PLAAT1: variants seen among roughly 807,000 people sequenced by gnomAD.
PLAAT1 encodes the protein H-REV107 protein-related protein.
Under a neutral mutation model 16.4 loss-of-function variants are expected in PLAAT1, and 13 were observed. The observed-to-expected ratio is 0.79, with a 90% CI of 0.52 to 1.26. The LOEUF is 1.26. Ranked by LOEUF, PLAAT1 falls within the 50% of genes most tolerant of loss-of-function variation. The pLI, the probability that PLAAT1 is intolerant of heterozygous loss-of-function variation, is 0.00. For synonymous variants in PLAAT1, 73 were observed against 78.4 expected (o/e 0.93, Z 0.36); for missense variants, 218 against 207.8 (o/e 1.05, Z -0.30).
Position 193,269,939 on chromosome 3 carries a change from A to G in PLAAT1, c.406-665A>G, listed in dbSNP as rs113919171. 6.8e-3 allele frequency among the ~76,000 whole-genome samples: 1,034 copies of G among 152,270 alleles called. 15 individuals are homozygous for G. The highest frequency in any genetic ancestry group is 0.024 in the African/African-American group (990 of 41,556). Reference sequence around the variant, plus strand: ...ACATGAGAAATTAATTTTTGACATGATAGTTAACATCAGTATTGGCTTTTT... The same window carrying G: ...ACATGAGAAATTAATTTTTGACATGGTAGTTAACATCAGTATTGGCTTTTT... On this transcript the variant is annotated intron_variant, in intron 3 of 3. Transcript: ENST00000264735.
intron 2 of PLAAT1, among the ~76,000 whole-genome samples, chr3:193,275,886 T>G (rs1410010863): frequency 2.0e-5 from 3 of 152,204 alleles, no homozygotes; most frequent in Non-Finnish European, 4.4e-5. Context: ...AATTTTTATT[T>G]TATTATGGGA....
chr3:193,264,727 C>T (rs1172250019), intron 3 of PLAAT1, among the ~76,000 whole-genome samples: 1 of 152,140 alleles, frequency 6.6e-6, no homozygotes, highest in African/African-American at 2.4e-5. Flanking sequence ...GTTGGCCAGG[C>T]TGGTCTCAAA....
chr3:193,269,416 G>A (rs1016014796), intron 3 of PLAAT1, among the ~76,000 whole-genome samples: 17 of 152,168 alleles, frequency 1.1e-4, no homozygotes, highest in African/African-American at 4.1e-4. Flanking sequence ...AACACATGCT[G>A]CAAACACATG....
chr3:193,270,760 C>T lies in PLAAT1; in HGVS notation c.*55C>T. On this transcript the variant is annotated 3_prime_UTR_variant, in exon 4 of 4. Transcript: ENST00000264735. ...GGAATTTGGGAGGAGGAAAAGAAAC[C>T]TGGGGTGAATACTTATTTTCAGTGC... The T allele has an allele frequency of 6.3e-7, 1 of 1,586,938 alleles. No individual in the cohort carries two copies. The highest frequency in any genetic ancestry group is 2.3e-5 in the East Asian group (1 of 44,388).
downstream of PLAAT1, among the ~76,000 whole-genome samples, chr3:193,278,760 A>C (rs1717343151): frequency 6.6e-6 from 1 of 152,134 alleles, no homozygotes; most frequent in Non-Finnish European, 1.5e-5. Context: ...TCAAGTATGG[A>C]TAGCCTCAGG....
intron 3 of PLAAT1, among the ~76,000 whole-genome samples, chr3:193,269,758 G>A (rs1716920787): frequency 6.6e-6 from 1 of 152,116 alleles, no homozygotes. Context: ...TCATCAAATT[G>A]CACTCAAACC....
In PLAAT1 at chr3:193,241,506, GAGA is replaced by G; in HGVS notation, c.-21_-19del. ...GACACACACAGCTGCCTCCCGGTGC[GAGA>G]AGAAGACCCCGGCTTGAGAGTGAGG... On this transcript the variant is annotated 5_prime_UTR_variant, in exon 1 of 4. Transcript: ENST00000264735. 1.6e-5 allele frequency: 20 copies of G among 1,231,930 alleles called. No individual in the cohort carries two copies. In the South Asian group the frequency reaches 1.6e-4, roughly 10 times the overall value. The allele number at this position is 1,231,930 out of a possible 1,614,324, so 76.3% of individuals were successfully genotyped here.
At chr3:193,273,604 TTAAC>T (rs1255102711), downstream of PLAAT1, among the ~76,000 whole-genome samples, 1 of 152,218 alleles carries the variant, frequency 6.6e-6, no homozygotes, top group Non-Finnish European at 1.5e-5. Context: ...ATGAAACTGG[TTAAC>T]TAATTGCCTA....
intron 2 of PLAAT1, among the ~76,000 whole-genome samples, chr3:193,258,715 G>A (rs955709266): frequency 6.6e-6 from 1 of 151,866 alleles, no homozygotes; most frequent in Non-Finnish European, 1.5e-5. Flanking sequence ...GAAAACCTGA[G>A]AAGACCAATA....
At chr3:193,255,847 A>G in intron 2 of PLAAT1, 58 bp downstream of exon 2, 2 of 1,398,890 alleles carry the variant, frequency 1.4e-6, no homozygotes, top group Non-Finnish European at 1.9e-6. Flanking sequence ...TGTTACAGGA[A>G]GTAATCATGG....
intron 1 of PLAAT1, among the ~76,000 whole-genome samples, chr3:193,246,309 A>C (rs1056210105): frequency 6.6e-6 from 1 of 152,130 alleles, no homozygotes; most frequent in East Asian, 1.9e-4. Context: ...CTACTGAGAT[A>C]CTTGTGTGCT....
intron 2 of PLAAT1, among the ~76,000 whole-genome samples, chr3:193,260,276 T>G (rs1716537268): frequency 2.0e-5 from 3 of 152,114 alleles, no homozygotes; most frequent in Non-Finnish European, 4.4e-5. Flanking sequence ...TAGGAAACAC[T>G]CTTCTTGACC....
downstream of PLAAT1, chr3:193,274,821 GGAT>G: frequency 3.3e-6 from 2 of 609,562 alleles, no homozygotes; most frequent in Non-Finnish European, 5.7e-6. Flanking sequence ...TTATTGAAAA[GGAT>G]GATACAGGAA....
intron 3 of PLAAT1, among the ~76,000 whole-genome samples, chr3:193,270,286 A>G (rs1716941219): frequency 6.6e-6 from 1 of 152,218 alleles, no homozygotes; most frequent in African/African-American, 2.4e-5. Flanking sequence ...CAAGAGTGGT[A>G]TATTAACCTC....
chr3:193,245,661 A>G (rs535799207), intron 1 of PLAAT1, among the ~76,000 whole-genome samples: 31 of 152,298 alleles, frequency 2.0e-4, no homozygotes, highest in African/African-American at 6.7e-4. Flanking sequence ...CACCAACGAT[A>G]TACAAGGGTT....
rs928367192 is a variant in PLAAT1, at chr3:193,241,399, G to T, written c.-135G>T. 2.5e-5 allele frequency: 31 copies of T among 1,231,638 alleles called. No homozygotes were observed. The African/African-American group carries it at 4.0e-4, about 16-fold the overall frequency. 76.3% of individuals were successfully genotyped at this position (1,231,638 alleles called of 1,614,324 possible). A position where few individuals can be genotyped will look rare whatever the true frequency, so the allele number is the denominator to read the frequency against. The stretch of plus-strand genomic sequence containing the variant: ...GAGTGATGGCTGGCGCCTGCCTCCC[G>T]GGTGTCTCCCGGGTACAGATGGAGT... On this transcript the variant is annotated 5_prime_UTR_variant, in exon 1 of 4. Transcript: ENST00000264735.
intron 1 of PLAAT1, among the ~76,000 whole-genome samples, chr3:193,251,406 G>GAACT (rs1716188049): frequency 6.6e-6 from 1 of 152,162 alleles, no homozygotes; most frequent in South Asian, 2.1e-4. Flanking sequence ...GAACCACACT[G>GAACT]AACTACTGGA....
intron 1 of PLAAT1, among the ~76,000 whole-genome samples, chr3:193,247,951 TTAAAG>T (rs1420231893): frequency 1.3e-5 from 2 of 152,232 alleles, no homozygotes; most frequent in African/African-American, 4.8e-5. Context: ...TCCATTTGGC[TTAAAG>T]TATAGTTCAA....
At chr3:193,246,659 GC>G (rs1316169987) in intron 1 of PLAAT1, among the ~76,000 whole-genome samples, 1 of 152,174 alleles carries the variant, frequency 6.6e-6, no homozygotes, top group Non-Finnish European at 1.5e-5. Context: ...ACAGTGCCTG[GC>G]CCATATTTAT....
Sources: allele counts gnomAD v4.1 joint callset (sites outside exome capture counted in the v4.1 genomes callset), GRCh38; gene constraint gnomAD v4.1.1; transcripts MANE v1.5; gene names NCBI Gene and HGNC (gene_info 2026-07-23, HGNC 2026-07-21).